The following ATF6 variants were observed in gnomAD, a reference collection of about 807,000 sequenced individuals.
ATF6 encodes cyclic AMP-dependent transcription factor ATF-6 alpha.
Under a neutral mutation model 83.6 loss-of-function variants are expected in ATF6, and 53 were observed. The ratio of observed to expected loss-of-function variants is 0.63; its 90% confidence interval spans 0.51 to 0.80. The LOEUF (loss-of-function observed/expected upper bound fraction) is 0.80, where lower values mean the gene tolerates loss of function less well. Ranked by LOEUF, ATF6 falls within the 30% of genes least tolerant of loss-of-function variation. The probability of loss-of-function intolerance (pLI) is 0.00; values close to 1 mark genes in which losing one functional copy is unlikely to be tolerated. For synonymous variants in ATF6, 288 were observed against 285.8 expected, an observed-to-expected ratio of 1.01 and a Z score of -0.08; for missense variants, 744 against 797.9, an observed-to-expected ratio of 0.93 and a Z score of 0.81.
intron 9 of ATF6, among the ~76,000 whole-genome samples, chr1:161,831,938 G>A (rs1446344147): frequency 2.1e-5 from 3 of 140,222 alleles, no homozygotes; most frequent in Admixed American, 8.0e-5. Context: ...AGAACTTAAA[G>A]TATAATAAAA....
chr1:161,880,226 G>A (rs1687293411), intron 14 of ATF6, among the ~76,000 whole-genome samples: 1 of 152,014 alleles, frequency 6.6e-6, no homozygotes, highest in South Asian at 2.1e-4. Flanking sequence ...TGTCATGTGT[G>A]TTCTTTTAAG....
At chr1:161,882,254 G>A (rs1181486596) in intron 14 of ATF6, among the ~76,000 whole-genome samples, 2 of 152,050 alleles carry the variant, frequency 1.3e-5, no homozygotes, top group Non-Finnish European at 2.9e-5. Flanking sequence ...AACATATACT[G>A]TAGATAATTA....
chr1:161,945,076 G>A (rs1553244270), intron 15 of ATF6, among the ~76,000 whole-genome samples: 1 of 152,184 alleles, frequency 6.6e-6, no homozygotes, highest in Non-Finnish European at 1.5e-5. Context: ...ACCGTCCTAA[G>A]CTCCTTTACA....
intron 15 of ATF6, among the ~76,000 whole-genome samples, chr1:161,926,952 T>C (rs1688325736): frequency 6.6e-6 from 1 of 152,172 alleles, no homozygotes; most frequent in Non-Finnish European, 1.5e-5. Flanking sequence ...TAAATTATGA[T>C]GATTTGGTTC....
Position 161,957,806 on chromosome 1 carries a change from G to A in ATF6, c.1805-640G>A, listed in dbSNP as rs549259322. 1.2e-4 allele frequency among the ~76,000 whole-genome samples: 19 copies of A among 152,236 alleles called. No individual in the cohort carries two copies. In the East Asian group the frequency reaches 2.7e-3, roughly 22 times the overall value. ...ATCAGGAACTCTGGAAATAAAGATC[G>A]CCTCAATATGGAAGGGAAGTGATCT... is the stretch of plus-strand genomic sequence containing the variant. On this transcript the variant is annotated intron_variant, in intron 15 of 15. Transcript: ENST00000367942.
chr1:161,934,751 G>A (rs1688505217), intron 15 of ATF6, among the ~76,000 whole-genome samples: 1 of 152,110 alleles, frequency 6.6e-6, no homozygotes, highest in African/African-American at 2.4e-5. Flanking sequence ...TGTTTTCCAT[G>A]GAGTAAGATC....
At chr1:161,876,407 T>C (rs375882196) in intron 14 of ATF6, among the ~76,000 whole-genome samples, 20 of 152,162 alleles carry the variant, frequency 1.3e-4, no homozygotes, top group Admixed American at 9.2e-4. Context: ...ATTTTATTAG[T>C]CTCTCAGCTA....
chr1:161,958,377 G>T, intron 15 of ATF6, 69 bp from the exon 16 acceptor site: 2 of 1,460,706 alleles, frequency 1.4e-6, no homozygotes, highest in South Asian at 1.3e-5. Context: ...GTATTTCTGG[G>T]GCTGAAGCTT....
chr1:161,851,021 GTCACTCTGTTGTTTTA>G (rs758907760), intron 10 of ATF6, among the ~76,000 whole-genome samples: 7 of 152,012 alleles, frequency 4.6e-5, no homozygotes, highest in Non-Finnish European at 1.0e-4. Context: ...GTTAATGTCA[GTCACTCTGTTGTTTTA>G]TTAGTGATTC....
intron 9 of ATF6, among the ~76,000 whole-genome samples, chr1:161,835,926 T>C (rs569132633): frequency 1.3e-5 from 2 of 152,234 alleles, no homozygotes; most frequent in Non-Finnish European, 2.9e-5. Flanking sequence ...AACAAATGTT[T>C]GGAATTGACA....
intron 14 of ATF6, among the ~76,000 whole-genome samples, chr1:161,887,280 A>G (rs551116395): frequency 2.0e-5 from 3 of 151,392 alleles, no homozygotes; most frequent in Non-Finnish European, 4.4e-5. Flanking sequence ...GGGTTTCACC[A>G]TGTTGGCCAG....
intron 7 of ATF6, among the ~76,000 whole-genome samples, chr1:161,808,955 G>T (rs1024708519): frequency 6.6e-6 from 1 of 152,080 alleles, no homozygotes; most frequent in Non-Finnish European, 1.5e-5. Flanking sequence ...GTAAAATTTT[G>T]CAGTCCTTTT....
chr1:161,892,314 G>A (rs889392052), intron 14 of ATF6: 4 of 152,184 alleles, frequency 2.6e-5, no homozygotes, highest in African/African-American at 7.2e-5. Context: ...GGTAAGAAAA[G>A]TAAGCAAAGA....
intron 14 of ATF6, among the ~76,000 whole-genome samples, chr1:161,868,165 T>G (rs1039957254): frequency 8.5e-5 from 13 of 152,140 alleles, no homozygotes; most frequent in African/African-American, 2.7e-4. Flanking sequence ...ACTTTAGTCT[T>G]TTTTTTACAC....
intron 14 of ATF6, among the ~76,000 whole-genome samples, chr1:161,903,448 G>GT (rs1687827911): frequency 6.6e-6 from 1 of 152,186 alleles, no homozygotes; most frequent in South Asian, 2.1e-4. Flanking sequence ...ATGTGTGCCT[G>GT]TCATCCTTTA....
chr1:161,956,700 A>T (rs937294916), intron 15 of ATF6, among the ~76,000 whole-genome samples: 3 of 152,198 alleles, frequency 2.0e-5, no homozygotes, highest in African/African-American at 7.2e-5. Flanking sequence ...AATGGAAGAG[A>T]TTTTCAAAAC....
At chr1:161,915,194 C>T (rs1055380943) in intron 15 of ATF6, among the ~76,000 whole-genome samples, 1 of 152,184 alleles carries the variant, frequency 6.6e-6, no homozygotes, top group East Asian at 1.9e-4. Flanking sequence ...TCTACACCCA[C>T]AAACTCTGCC....
At chr1:161,776,635 G>A (rs770964892) in intron 1 of ATF6, among the ~76,000 whole-genome samples, 2 of 152,194 alleles carry the variant, frequency 1.3e-5, no homozygotes, top group Non-Finnish European at 2.9e-5. Flanking sequence ...TTTTTGGCCT[G>A]AGCAACTGGG....
intron 8 of ATF6, among the ~76,000 whole-genome samples, chr1:161,820,221 T>TC (rs1685719567): frequency 6.6e-6 from 1 of 152,252 alleles, no homozygotes; most frequent in African/African-American, 2.4e-5. Flanking sequence ...CTATGCTGAC[T>TC]CCAAGAGGTT....
Sources: allele counts gnomAD v4.1 joint callset (sites outside exome capture counted in the v4.1 genomes callset), GRCh38; gene constraint gnomAD v4.1.1; transcripts MANE v1.5; gene names NCBI Gene and HGNC (gene_info 2026-07-23, HGNC 2026-07-21).